MOB1B: variants seen among roughly 807,000 people sequenced by gnomAD.
The protein encoded by MOB1B is MOB1 Mps One Binder homolog B.
A neutral mutation model predicts 24.4 loss-of-function variants in MOB1B; 19 were observed. That is an observed-to-expected ratio of 0.78 (90% CI 0.54 to 1.14). The LOEUF is 1.14. Ranked by LOEUF, MOB1B falls within the 50% of genes most tolerant of loss-of-function variation. The pLI is 0.00. For synonymous variants in MOB1B, 76 were observed against 82.1 expected (o/e 0.93, Z 0.40); for missense variants, 243 against 259.6 (o/e 0.94, Z 0.44).
chr4:70,932,941 G>T (rs1210971923), intron 1 of MOB1B, among the ~76,000 whole-genome samples: 1 of 152,000 alleles, frequency 6.6e-6, no homozygotes, highest in Non-Finnish European at 1.5e-5. Context: ...AAGAACGCTG[G>T]GTCATATATC....
chr4:70,974,604 G>A (rs189792566), intron 3 of MOB1B, among the ~76,000 whole-genome samples: 119 of 152,154 alleles, frequency 7.8e-4, no homozygotes, highest in African/African-American at 2.6e-3. Flanking sequence ...GCCTTTATTT[G>A]GGTTGCAAAT....
intron 1 of MOB1B, among the ~76,000 whole-genome samples, chr4:70,922,503 A>G (rs1409888713): frequency 6.6e-6 from 1 of 152,206 alleles, no homozygotes; most frequent in Non-Finnish European, 1.5e-5. Context: ...ACAAACGGTT[A>G]CATTCTTTTG....
At chr4:70,959,332 C>G (rs567602869) in intron 2 of MOB1B, among the ~76,000 whole-genome samples, 1 of 152,326 alleles carries the variant, frequency 6.6e-6, no homozygotes, top group African/African-American at 2.4e-5. Flanking sequence ...CCCTCAGCCT[C>G]TAGCGTAGCT....
intron 3 of MOB1B, 53 bp downstream of exon 3, chr4:70,970,077 T>A: frequency 8.9e-7 from 1 of 1,123,948 alleles, no homozygotes; most frequent in Non-Finnish European, 1.3e-6. Flanking sequence ...TTACGGTTCT[T>A]AAAGAAAAAC....
At chr4:70,945,397 A>G (rs1032221057) in intron 1 of MOB1B, among the ~76,000 whole-genome samples, 3 of 152,218 alleles carry the variant, frequency 2.0e-5, no homozygotes, top group Non-Finnish European at 2.9e-5. Context: ...GGTAAATTCT[A>G]TAGCCTCGTA....
At position 70,958,172 on chromosome 4, in the gene MOB1B, T is replaced by C. The variant is rs1404563077; in HGVS notation, c.15-702T>C. Among the ~76,000 whole-genome samples, 12 of 151,500 alleles carry C rather than the reference T, an allele frequency of 7.9e-5. 1 individual carries two copies. Among genetic ancestry groups the C allele is most frequent in the Admixed American group, 7.2e-4 (11 of 15,216 alleles). ...CATGTAGCTTTTCTTTTCTTTCTTT[T>C]TTTTTTTTTTGAGACGGAATCTCAC... On this transcript the variant is annotated intron_variant, in intron 1 of 5. Coordinates refer to ENST00000309395, the MANE Select transcript of MOB1B (RefSeq NM_173468.4).
chr4:70,983,044 T>C lies in MOB1B; in HGVS notation c.*987T>C, dbSNP rs1466272022. The C allele has an allele frequency of 6.6e-6, 1 of 152,310 alleles. No individual in the cohort carries two copies. The highest frequency in any genetic ancestry group is 1.5e-5 in the Non-Finnish European group (1 of 67,996). The allele number at this position is 152,310 out of a possible 1,614,324, so 9.4% of individuals were successfully genotyped here. On this transcript the variant is annotated 3_prime_UTR_variant, in exon 6 of 6. Transcript: ENST00000309395. ...AAAGTTTTGTCTGAAAACCTTTGAATAGAATGGCATGAAGATTTTAATCAA... is the reference window on the plus strand; with the variant it reads ...AAAGTTTTGTCTGAAAACCTTTGAACAGAATGGCATGAAGATTTTAATCAA...
intron 2 of MOB1B, among the ~76,000 whole-genome samples, chr4:70,959,513 C>T (rs1488153020): frequency 6.6e-6 from 1 of 152,140 alleles, no homozygotes; most frequent in Non-Finnish European, 1.5e-5. Context: ...CACATCCAGT[C>T]CTTGTTATTT....
At chr4:70,912,789 C>T (rs1212619416) in intron 1 of MOB1B, among the ~76,000 whole-genome samples, 1 of 152,166 alleles carries the variant, frequency 6.6e-6, no homozygotes, top group Non-Finnish European at 1.5e-5. Context: ...CTCACAGAGT[C>T]TTGCTCTGTT....
At chr4:70,936,581 T>A (rs1737097255) in intron 1 of MOB1B, among the ~76,000 whole-genome samples, 1 of 152,182 alleles carries the variant, frequency 6.6e-6, no homozygotes, top group Non-Finnish European at 1.5e-5. Flanking sequence ...TATTATATAG[T>A]CCTGCACCAT....
Position 70,908,481 on chromosome 4 carries a change from A to G in MOB1B, c.14+5931A>G, listed in dbSNP as rs565533339. 3.2e-4 allele frequency among the ~76,000 whole-genome samples: 48 copies of G among 151,598 alleles called. 1 individual carries two copies. In the South Asian group the frequency reaches 9.8e-3, roughly 31 times the overall value. On this transcript the variant is annotated intron_variant, in intron 1 of 5. Coordinates refer to ENST00000309395, the MANE Select transcript of MOB1B (RefSeq NM_173468.4). ...ATACCTTCCATTTGTCATTCTTAAG[A>G]TTAGCAATTTAGGCCGGGCACGGTG...
intron 1 of MOB1B, among the ~76,000 whole-genome samples, chr4:70,907,430 A>C (rs1233054350): frequency 2.0e-5 from 3 of 152,224 alleles, no homozygotes; most frequent in Non-Finnish European, 2.9e-5. Context: ...ATTCTGAAAA[A>C]AAAAAATTTG....
intron 3 of MOB1B, among the ~76,000 whole-genome samples, chr4:70,970,648 G>A (rs1738716151): frequency 6.6e-6 from 1 of 152,160 alleles, no homozygotes; most frequent in African/African-American, 2.4e-5. Context: ...AGCAATGACA[G>A]TTACCATTTA....
rs62325393 is a variant in MOB1B at position 70,936,346 on chromosome 4, G to T, written c.15-22528G>T. ...AAACTTTTCTTTGAACTGCATTTAA[G>T]TGTAATATTGTGGTTTCTTTTGCTT... On this transcript the variant is annotated intron_variant, in intron 1 of 5. Coordinates refer to ENST00000309395, the MANE Select transcript of MOB1B (RefSeq NM_173468.4). 2.0e-3 allele frequency among the ~76,000 whole-genome samples: 304 copies of T among 152,216 alleles called. 1 individual carries two copies. Among genetic ancestry groups the T allele is most frequent in the Non-Finnish European group, 3.5e-3 (235 of 68,012 alleles).
rs1739404853 is a variant in MOB1B, at chr4:70,987,110, T to G, written c.*5053T>G. 1 of 151,990 alleles carries G rather than the reference T, an allele frequency of 6.6e-6. No homozygotes were observed. Among genetic ancestry groups the G allele is most frequent in the Non-Finnish European group, 1.5e-5 (1 of 67,954 alleles). 9.4% of individuals were successfully genotyped at this position (151,990 alleles called of 1,614,324 possible). On this transcript the variant is annotated 3_prime_UTR_variant, in exon 6 of 6. Coordinates refer to ENST00000309395, the MANE Select transcript of MOB1B (RefSeq NM_173468.4). ...CGTGTACACACACACTGGAAAATAATTAGGCTGATTTTGCAGGTCTTCATT... is the reference window on the plus strand; with the variant it reads ...CGTGTACACACACACTGGAAAATAAGTAGGCTGATTTTGCAGGTCTTCATT...
intron 1 of MOB1B, among the ~76,000 whole-genome samples, chr4:70,929,968 T>C (rs777902233): frequency 4.3e-4 from 66 of 152,204 alleles, no homozygotes; most frequent in Non-Finnish European, 8.2e-4. Context: ...TTGCCCAGGG[T>C]GGTCTTGAAG....
chr4:70,940,460 A>G (rs1231350354), intron 1 of MOB1B, among the ~76,000 whole-genome samples: 5 of 152,226 alleles, frequency 3.3e-5, no homozygotes, highest in African/African-American at 1.2e-4. Flanking sequence ...TTGAACTGCA[A>G]GGAATATCTG....
chr4:70,926,645 C>T (rs1000675717), intron 1 of MOB1B, among the ~76,000 whole-genome samples: 6 of 152,092 alleles, frequency 3.9e-5, no homozygotes, highest in African/African-American at 1.4e-4. Flanking sequence ...TATTGAACAC[C>T]TCCTGTGTGT....
chr4:70,923,256 C>G (rs908993765), intron 1 of MOB1B, among the ~76,000 whole-genome samples: 1 of 152,178 alleles, frequency 6.6e-6, no homozygotes, highest in Non-Finnish European at 1.5e-5. Context: ...AGAACCTCTG[C>G]AAGAGCATCC....
Sources: allele counts gnomAD v4.1 joint callset (sites outside exome capture counted in the v4.1 genomes callset), GRCh38; gene constraint gnomAD v4.1.1; transcripts MANE v1.5; gene names NCBI Gene and HGNC (gene_info 2026-07-23, HGNC 2026-07-21).